The following TOPAZ1 variants were observed in gnomAD, a reference collection of about 807,000 sequenced individuals.
TOPAZ1 encodes the protein testis and ovary specific TOPAZ 1.
TOPAZ1 carries 66 observed loss-of-function variants against 172.2 expected under a neutral mutation model. The ratio of observed to expected loss-of-function variants is 0.38; its 90% CI spans 0.31 to 0.47. The LOEUF (loss-of-function observed/expected upper bound fraction) is 0.47. Among genes scored for constraint, TOPAZ1 ranks in the 20% least tolerant of loss-of-function variants. TOPAZ1 has a pLI of 0.99. For synonymous variants in TOPAZ1, 681 were observed against 683.9 expected, an observed-to-expected ratio of 1.00 and a Z score of 0.07; for missense variants, 1,822 against 1,972.4, an observed-to-expected ratio of 0.92 and a Z score of 1.44.
At chr3:44,298,909 ATTT>A (rs1220596657) in intron 12 of TOPAZ1, among the ~76,000 whole-genome samples, 1,376 of 41,222 alleles carry the variant, frequency 0.033, 49 homozygotes, top group South Asian at 0.08. Context: ...ATATATATAT[ATTT>A]TTTTTTTTTT....
At chr3:44,265,515 CA>C (rs1270559149) in intron 5 of TOPAZ1, among the ~76,000 whole-genome samples, 2 of 152,124 alleles carry the variant, frequency 1.3e-5, no homozygotes, top group Non-Finnish European at 2.9e-5. Flanking sequence ...GAGATCGCAC[CA>C]CTGCACTCCA....
chr3:44,302,606 T>A (rs1022730585), intron 12 of TOPAZ1, among the ~76,000 whole-genome samples: 9 of 152,118 alleles, frequency 5.9e-5, no homozygotes, highest in African/African-American at 2.2e-4. Context: ...ATGTTTTAAT[T>A]TTTGGTAGGG....
At chr3:44,326,112 G>T (rs1700598238) in intron 18 of TOPAZ1, among the ~76,000 whole-genome samples, 1 of 152,174 alleles carries the variant, frequency 6.6e-6, no homozygotes, top group Non-Finnish European at 1.5e-5. Flanking sequence ...TGTGAATAGT[G>T]CTACTTTGAA....
intron 12 of TOPAZ1, 137 bp downstream of exon 12, chr3:44,291,023 C>T (rs1700131240): frequency 1.8e-6 from 1 of 545,564 alleles, no homozygotes. Context: ...CTTCTCCTGT[C>T]TCTTGGCTGT....
In TOPAZ1 at chr3:44,244,607, G is replaced by A. The variant is rs553103949; in HGVS notation, c.2101G>A (p.Glu701Lys). 11 of 1,550,756 alleles carry A rather than the reference G, an allele frequency of 7.1e-6. No individual in the cohort carries two copies. The African/African-American group carries it at 8.2e-5, about 12-fold the overall frequency. The change falls in exon 2 of 20, where the codon GAA becomes AAA. Residue 701 changes from glutamate to lysine, a missense_variant. Physicochemically the swap from Glu to Lys is moderately conservative, Grantham distance 56. Around this residue, in one of 2 missense-constraint regions of TOPAZ1, gnomAD observed 1,489 missense variants for 1,490.8 expected, o/e 1.00. Coordinates refer to ENST00000309765, the MANE Select transcript of TOPAZ1 (RefSeq NM_001145030.2). The stretch of plus-strand genomic sequence containing the variant: ...TAAGAATAAATCAGAAAAAAGAAAA[G>A]AAGTAAATGCCAAGTCATCAGAGAG... ...LLKNKSEKRK[E>K]VNAKSSEREA...
chr3:44,285,752 G>A (rs750791521), intron 9 of TOPAZ1, among the ~76,000 whole-genome samples: 2 of 151,352 alleles, frequency 1.3e-5, no homozygotes, highest in Non-Finnish European at 1.5e-5. Flanking sequence ...TGTATTTTTA[G>A]CAGAGACAAG....
chr3:44,292,066 G>A (rs1339564882), intron 12 of TOPAZ1, among the ~76,000 whole-genome samples: 2 of 152,218 alleles, frequency 1.3e-5, no homozygotes, highest in African/African-American at 2.4e-5. Flanking sequence ...AACCTATGGT[G>A]TCCTGGGGAG....
chr3:44,307,994 C>CCA (rs1295056397), intron 15 of TOPAZ1, among the ~76,000 whole-genome samples: 1 of 152,054 alleles, frequency 6.6e-6, no homozygotes, highest in African/African-American at 2.4e-5. Flanking sequence ...TCAGACTGGG[C>CCA]CAGGAGCAGT....
At chr3:44,328,643 T>C (rs1282143255) in intron 19 of TOPAZ1, among the ~76,000 whole-genome samples, 1 of 152,178 alleles carries the variant, frequency 6.6e-6, no homozygotes, top group Admixed American at 6.5e-5. Flanking sequence ...CCAAACAAGT[T>C]AGTAGCATTC....
At chr3:44,246,443 C>T (rs1467068130) in intron 2 of TOPAZ1, among the ~76,000 whole-genome samples, 2 of 152,108 alleles carry the variant, frequency 1.3e-5, no homozygotes, top group Non-Finnish European at 2.9e-5. Flanking sequence ...TTGCAGTTAC[C>T]TTTGTGGTAT....
At chr3:44,330,221 A>C (rs114917335) in intron 19 of TOPAZ1, among the ~76,000 whole-genome samples, 1 of 152,128 alleles carries the variant, frequency 6.6e-6, no homozygotes, top group South Asian at 2.1e-4. Flanking sequence ...ACCACTGTGC[A>C]CTATGGTGGA....
intron 8 of TOPAZ1, among the ~76,000 whole-genome samples, chr3:44,275,193 A>G (rs1263136217): frequency 6.6e-6 from 1 of 152,036 alleles, no homozygotes; most frequent in African/African-American, 2.4e-5. Flanking sequence ...AGTGTTTAAC[A>G]TTTCTATGAG....
intron 4 of TOPAZ1, among the ~76,000 whole-genome samples, chr3:44,257,746 T>C (rs1186104092): frequency 6.6e-6 from 1 of 152,098 alleles, no homozygotes; most frequent in East Asian, 1.9e-4. Flanking sequence ...TCTTAAAGTA[T>C]AAGAAGCAGG....
chr3:44,259,064 C>G (rs1699746920), intron 4 of TOPAZ1, among the ~76,000 whole-genome samples: 1 of 152,142 alleles, frequency 6.6e-6, no homozygotes, highest in Non-Finnish European at 1.5e-5. Context: ...GGCTTTCTCC[C>G]ATATTCCTAG....
intron 18 of TOPAZ1, among the ~76,000 whole-genome samples, chr3:44,325,414 A>G (rs1185584115): frequency 6.6e-6 from 1 of 152,138 alleles, no homozygotes; most frequent in Non-Finnish European, 1.5e-5. Context: ...CATTTTTGGT[A>G]TAGTCACAGA....
intron 4 of TOPAZ1, 81 bp downstream of exon 4, chr3:44,256,359 G>A (rs1699703546): frequency 4.4e-6 from 6 of 1,349,414 alleles, no homozygotes; most frequent in Non-Finnish European, 5.9e-6. Flanking sequence ...CAGTGCTATC[G>A]GGTGGCAAGT....
Position 44,269,305 on chromosome 3 carries a change from A to G in TOPAZ1, c.3246+4A>G. ...CAAGAGGGAAAAAAATGTGGGGGTA[A>G]GTCTACTTTAAAAAATAATAATAAT... On this transcript the variant is annotated splice_donor_region_variant and intron_variant, in intron 7 of 19. Coordinates refer to ENST00000309765, the MANE Select transcript of TOPAZ1 (RefSeq NM_001145030.2). 6.6e-7 allele frequency: 1 copy of G among 1,512,826 alleles called. No homozygotes were observed. The highest frequency in any genetic ancestry group is 1.7e-4 in the Middle Eastern group (1 of 5,904). 93.7% of individuals were successfully genotyped at this position (1,512,826 alleles called of 1,614,324 possible). A position where few individuals can be genotyped will look rare whatever the true frequency, so the allele number is the denominator to read the frequency against.
rs140255431 is a variant in TOPAZ1, at chr3:44,309,478, A to T, written c.4141-347A>T. Among the ~76,000 whole-genome samples, 95 of 152,354 alleles carry T rather than the reference A, an allele frequency of 6.2e-4. No individual in the cohort carries two copies. The East Asian group carries it at 7.3e-3, about 12-fold the overall frequency. ...CAACAGAAGAGGAGCAAAAACATATAATCAGTAGTTTTCTATGCTAAATCA... is the reference window on the plus strand; with the variant it reads ...CAACAGAAGAGGAGCAAAAACATATTATCAGTAGTTTTCTATGCTAAATCA... On this transcript the variant is annotated intron_variant, in intron 15 of 19. Coordinates refer to ENST00000309765, the MANE Select transcript of TOPAZ1 (RefSeq NM_001145030.2).
chr3:44,262,467 T>TA lies in TOPAZ1; in HGVS notation c.3005dup (p.Tyr1002Ter). The change falls in exon 5 of 20, where the codon TAT (tyrosine) becomes TAAT (stop). Residue 1002 changes from tyrosine to a stop codon, truncating the protein, a stop_gained and frameshift_variant. Coordinates refer to ENST00000309765, the MANE Select transcript of TOPAZ1 (RefSeq NM_001145030.2). LOFTEE classifies it high-confidence loss of function. ...VITKEEKENI[Y>*]EVCKSKDSRN... is the part of the protein sequence containing the mutation. Reference sequence around the variant, plus strand: ...TACCAAAGAAGAAAAAGAAAATATTTATGAAGTTTGCAAAAGGTCTGTAAC... The same window carrying TA: ...TACCAAAGAAGAAAAAGAAAATATTTAATGAAGTTTGCAAAAGGTCTGTAAC... The TA allele has an allele frequency of 6.8e-7, 1 of 1,475,470 alleles. No homozygotes were observed. Among genetic ancestry groups the TA allele is most frequent in the Non-Finnish European group, 9.2e-7 (1 of 1,082,824 alleles). 91.4% of individuals were successfully genotyped at this position (1,475,470 alleles called of 1,614,324 possible). A position where few individuals can be genotyped will look rare whatever the true frequency, so the allele number is the denominator to read the frequency against.
Sources: gnomAD v4.1 joint callset for allele counts (sites outside exome capture counted in the v4.1 genomes callset) on GRCh38, gnomAD v4.1.1 for gene constraint, gnomAD v4.1.1 regional missense constraint, MANE v1.5 for transcripts, NCBI Gene and HGNC (gene_info 2026-07-23, HGNC 2026-07-21) for gene names.